A1CF: variants seen among roughly 807,000 people sequenced by gnomAD.
The protein encoded by A1CF is APOBEC1 complementation factor, also known as APOBEC-1 stimulating protein.
A neutral mutation model predicts 68.9 loss-of-function variants in A1CF; 48 were observed. The ratio of observed to expected loss-of-function variants is 0.70; its 90% confidence interval spans 0.55 to 0.89. The LOEUF is 0.89. Ranked by LOEUF, A1CF falls within the 40% of genes least tolerant of loss-of-function variation. A1CF has a pLI of 0.00. For synonymous variants in A1CF, 272 were observed against 260.4 expected (o/e 1.04, Z -0.43); for missense variants, 653 against 718.9 (o/e 0.91, Z 1.05).
In A1CF at chr10:50,814,177, G is replaced by A. The variant is rs1838259109; in HGVS notation, c.1142-139C>T. 16 of 807,194 alleles carry A rather than the reference G, an allele frequency of 2.0e-5. No individual in the cohort carries two copies. The East Asian group carries it at 4.2e-4, about 21-fold the overall frequency. 50.0% of individuals were successfully genotyped at this position (807,194 alleles called of 1,614,324 possible). A position where few individuals can be genotyped will look rare whatever the true frequency, so the allele number is the denominator to read the frequency against. ...TTGATTATTGCCCTGAAGATGGGTG[G>A]GAGACTCTAGGATTCTAATGTAATG... On this transcript the variant is annotated intron_variant, in intron 9 of 12. Coordinates refer to ENST00000373997, the MANE Select transcript of A1CF (RefSeq NM_014576.4).
chr10:50,828,389 C>T, intron 6 of A1CF, 94 bp from the exon 7 acceptor site: 1 of 1,008,780 alleles, frequency 9.9e-7, no homozygotes, highest in Non-Finnish European at 1.4e-6. Flanking sequence ...TGACCTGACC[C>T]TTGAGGTCTT....
At chr10:50,853,856 A>G (rs1226891039) in intron 3 of A1CF, among the ~76,000 whole-genome samples, 1 of 151,772 alleles carries the variant, frequency 6.6e-6, no homozygotes, top group Admixed American at 6.6e-5. Context: ...ATTACTACAT[A>G]AACAAGCTGT....
chr10:50,841,612 A>T lies in A1CF; in HGVS notation c.365+250T>A, dbSNP rs1839781341. Among the ~76,000 whole-genome samples, 4 of 152,342 alleles carry T rather than the reference A, an allele frequency of 2.6e-5. No homozygotes were observed. The South Asian group carries it at 8.3e-4, about 32-fold the overall frequency. On this transcript the variant is annotated intron_variant, in intron 5 of 12. Transcript: ENST00000373997. Reference sequence around the variant, plus strand: ...CAATATTTTGAACAGTGCCCAATATATATTTATGAAACAGGCAAATTATTA... The same window carrying T: ...CAATATTTTGAACAGTGCCCAATATTTATTTATGAAACAGGCAAATTATTA...
intron 6 of A1CF, among the ~76,000 whole-genome samples, chr10:50,830,375 A>C (rs1010405488): frequency 6.6e-6 from 1 of 152,190 alleles, no homozygotes; most frequent in East Asian, 1.9e-4. Context: ...GTAAAGATTG[A>C]CTAATATTCC....
At chr10:50,810,646 C>A (rs539923848) in intron 11 of A1CF, among the ~76,000 whole-genome samples, 1 of 152,074 alleles carries the variant, frequency 6.6e-6, no homozygotes, top group African/African-American at 2.4e-5. Flanking sequence ...TGACTACAGG[C>A]GCCTGCCTGT....
chr10:50,880,880 G>C (rs1372405354), intron 1 of A1CF, among the ~76,000 whole-genome samples: 1 of 152,140 alleles, frequency 6.6e-6, no homozygotes, highest in Admixed American at 6.5e-5. Context: ...TCTGGACTGA[G>C]TTATAATTAC....
chr10:50,818,729 CT>C (rs1391682561), intron 8 of A1CF, among the ~76,000 whole-genome samples: 2 of 152,046 alleles, frequency 1.3e-5, no homozygotes. Context: ...TTGCAGTTTT[CT>C]TTTTTGTATT....
chr10:50,832,833 T>C (rs1477272428), intron 6 of A1CF, among the ~76,000 whole-genome samples: 1 of 152,156 alleles, frequency 6.6e-6, no homozygotes, highest in Non-Finnish European at 1.5e-5. Context: ...TTTCTCAGAA[T>C]ATGCACTCTT....
intron 3 of A1CF, among the ~76,000 whole-genome samples, chr10:50,858,319 A>C (rs1005097082): frequency 6.6e-6 from 1 of 152,156 alleles, no homozygotes; most frequent in African/African-American, 2.4e-5. Context: ...GTGGGGGGAA[A>C]AGGAAGAACC....
intron 7 of A1CF, among the ~76,000 whole-genome samples, chr10:50,824,686 A>C (rs1024909030): frequency 6.6e-6 from 1 of 152,174 alleles, no homozygotes; most frequent in African/African-American, 2.4e-5. Context: ...TGAATGAATG[A>C]GTGAGTGAAT....
chr10:50,829,341 T>A (rs1839128436), intron 6 of A1CF, among the ~76,000 whole-genome samples: 1 of 152,106 alleles, frequency 6.6e-6, no homozygotes, highest in African/African-American at 2.4e-5. Context: ...TGATTGGAAA[T>A]CTAGTTTGTT....
chr10:50,837,075 C>T (rs1027508205), intron 5 of A1CF, among the ~76,000 whole-genome samples: 1 of 152,170 alleles, frequency 6.6e-6, no homozygotes, highest in Non-Finnish European at 1.5e-5. Flanking sequence ...AAGAGAAAAG[C>T]TGTTCTGATG....
At chr10:50,836,511 G>A (rs1467660557) in intron 5 of A1CF, among the ~76,000 whole-genome samples, 199 bp from the exon 6 acceptor site, 3 of 152,094 alleles carry the variant, frequency 2.0e-5, no homozygotes, top group Admixed American at 6.6e-5. Flanking sequence ...AAACAAAAAA[G>A]TTATCTGAAG....
intron 3 of A1CF, among the ~76,000 whole-genome samples, chr10:50,856,086 C>T (rs995350135): frequency 6.6e-6 from 1 of 151,862 alleles, no homozygotes. Flanking sequence ...TTTAGGCTAC[C>T]CTTTCGACCA....
At chr10:50,816,643 AT>A (rs1457606923) in intron 8 of A1CF, 1 of 177,210 alleles carries the variant, frequency 5.6e-6, no homozygotes, top group African/African-American at 2.4e-5. Context: ...CTACAAGACA[AT>A]TTAGGTTTGT....
Position 50,836,267 on chromosome 10 carries a change from T to C in A1CF, c.411A>G (p.Arg137=). 6.2e-7 allele frequency: 1 copy of C among 1,613,982 alleles called. No individual in the cohort carries two copies. The highest frequency in any genetic ancestry group is 8.5e-7 in the Non-Finnish European group (1 of 1,179,886). The stretch of plus-strand genomic sequence containing the variant: ...TTTTTGGGATGCCCCCAACAAATAA[T>C]CGGCAGTTGTCCACACTGGCACAAA... ...LGVCASVDNC[R]LFVGGIPKTK... The change falls in exon 6 of 13, where the codon CGA becomes CGG. Residue 137 remains arginine (R), a synonymous_variant. Coordinates refer to ENST00000373997, the MANE Select transcript of A1CF (RefSeq NM_014576.4).
At chr10:50,826,910 T>C (rs147561357) in intron 7 of A1CF, among the ~76,000 whole-genome samples, 2,049 of 152,074 alleles carry the variant, frequency 0.013, 38 homozygotes, top group Middle Eastern at 0.024. Context: ...GAGACACACA[T>C]AGGCTCAAAG....
chr10:50,841,421 C>T (rs1191124915), intron 5 of A1CF, among the ~76,000 whole-genome samples: 1 of 152,214 alleles, frequency 6.6e-6, no homozygotes, highest in African/African-American at 2.4e-5. Flanking sequence ...ATTCAAGTCT[C>T]AGATTAAGTT....
chr10:50,873,136 A>G (rs1841353183), intron 1 of A1CF, among the ~76,000 whole-genome samples: 2 of 151,362 alleles, frequency 1.3e-5, no homozygotes, highest in African/African-American at 4.8e-5. Flanking sequence ...TTGTATTTTT[A>G]GTAGAGACAG....
Sources: gnomAD v4.1 joint callset for allele counts (sites outside exome capture counted in the v4.1 genomes callset) on GRCh38, gnomAD v4.1.1 for gene constraint, MANE v1.5 for transcripts, NCBI Gene and HGNC (gene_info 2026-07-23, HGNC 2026-07-21) for gene names.